PDE4D: variants seen among roughly 807,000 people sequenced by gnomAD.
The protein encoded by PDE4D is 3',5'-cyclic-AMP phosphodiesterase 4D.
Under a neutral mutation model 87.4 loss-of-function variants are expected in PDE4D, and 24 were observed. The ratio of observed to expected loss-of-function variants is 0.27; its 90% confidence interval spans 0.20 to 0.39. The LOEUF (loss-of-function observed/expected upper bound fraction) is 0.39, where lower values mean the gene tolerates loss of function less well. Among genes scored for constraint, PDE4D ranks in the 10% least tolerant of loss-of-function variants. The pLI is 1.00. For synonymous variants in PDE4D, 384 were observed against 383.2 expected (o/e 1.00, Z -0.02); for missense variants, 714 against 1,041.0 (o/e 0.69, Z 4.32).
intron 2 of PDE4D, among the ~76,000 whole-genome samples, chr5:59,200,352 C>T: frequency 1.0e-5 from 1 of 99,966 alleles, no homozygotes; most frequent in African/African-American, 4.8e-5. Context: ...TACACGTATA[C>T]ATACACGTGT....
At chr5:58,999,851 C>G (rs914827021) in intron 6 of PDE4D, 69 of 988,436 alleles carry the variant, frequency 7.0e-5, no homozygotes, top group Non-Finnish European at 8.3e-5. Context: ...CTCCCGAGCT[C>G]CAGGGCTTAA....
chr5:59,192,237 T>C (rs1439466605), intron 3 of PDE4D, among the ~76,000 whole-genome samples: 1 of 152,234 alleles, frequency 6.6e-6, no homozygotes, highest in Non-Finnish European at 1.5e-5. Flanking sequence ...ATAATACTTA[T>C]GACATTTTAG....
At chr5:60,287,449 G>C (rs1404246575) in intron 1 of PDE4D, among the ~76,000 whole-genome samples, 5 of 152,190 alleles carry the variant, frequency 3.3e-5, no homozygotes, top group Non-Finnish European at 7.3e-5. Context: ...CTGCGGGAAG[G>C]CTCTTCAAAG....
intron 6 of PDE4D, among the ~76,000 whole-genome samples, chr5:59,000,389 C>A (rs1750247033): frequency 1.3e-5 from 2 of 152,188 alleles, no homozygotes; most frequent in African/African-American, 4.8e-5. Flanking sequence ...GTAGAAATGA[C>A]TGTAGTTCTC....
intron 2 of PDE4D, among the ~76,000 whole-genome samples, chr5:59,205,875 G>T (rs1748679158): frequency 6.6e-6 from 1 of 152,116 alleles, no homozygotes; most frequent in Non-Finnish European, 1.5e-5. Context: ...GATCATTCAT[G>T]ACATTTATTG....
At chr5:59,212,669 C>T (rs1305574631) in intron 2 of PDE4D, among the ~76,000 whole-genome samples, 1 of 151,830 alleles carries the variant, frequency 6.6e-6, no homozygotes, top group Non-Finnish European at 1.5e-5. Context: ...AACAATCTAT[C>T]CCAAACTCAG....
chr5:59,779,495 C>A (rs764660027), intron 1 of PDE4D, among the ~76,000 whole-genome samples: 9 of 152,066 alleles, frequency 5.9e-5, no homozygotes, highest in Non-Finnish European at 1.3e-4. Context: ...ACTTAAATAG[C>A]ATCATGTGGC....
intron 1 of PDE4D, among the ~76,000 whole-genome samples, chr5:59,254,765 G>A (rs963400930): frequency 6.6e-6 from 1 of 152,084 alleles, no homozygotes; most frequent in African/African-American, 2.4e-5. Flanking sequence ...CAAACGTGTA[G>A]CCACCTCTTC....
At chr5:59,390,562 C>T (rs994882613) in intron 1 of PDE4D, among the ~76,000 whole-genome samples, 55 of 152,074 alleles carry the variant, frequency 3.6e-4, no homozygotes, top group Non-Finnish European at 7.4e-5. Context: ...ATCAGGGTTA[C>T]TATTTTTCAA....
intron 5 of PDE4D, among the ~76,000 whole-genome samples, chr5:59,146,276 C>A (rs1778644799): frequency 6.6e-6 from 1 of 152,122 alleles, no homozygotes; most frequent in Non-Finnish European, 1.5e-5. Flanking sequence ...TCAGATTCAA[C>A]CCTTCCTATG....
chr5:59,961,526 T>G (rs1369352432), intron 3 of PDE4D, among the ~76,000 whole-genome samples: 1 of 152,156 alleles, frequency 6.6e-6, no homozygotes. Context: ...AATAAATTTC[T>G]GCTGTTTCGA....
rs145380189 is a variant in PDE4D at position 59,935,337 on chromosome 5, A to C, written c.272+53151T>G. Among the ~76,000 whole-genome samples, 588 of 152,268 alleles carry C rather than the reference A, an allele frequency of 3.9e-3. 6 individuals carry two copies. The highest frequency in any genetic ancestry group is 0.013 in the African/African-American group (550 of 41,550). On this transcript the variant is annotated intron_variant, in intron 3 of 16. Transcript: ENST00000502484. ...GGAGACTCAAGACAGTAAAAGTCAG[A>C]AAACAAGGAGAGCTTTTTAGGAAGG...
rs915599604 is a variant in PDE4D at position 60,352,070 on chromosome 5, G to T, written c.-90+135872C>A. Among the ~76,000 whole-genome samples, 4 of 151,806 alleles carry T rather than the reference G, an allele frequency of 2.6e-5. No individual in the cohort carries two copies. In the East Asian group the frequency reaches 5.9e-4, roughly 22 times the overall value. ...ACCCTCCGCTTTGGCCTTCCAAAGT[G>T]CTGGGATTACAGGTATGAGCCACAG... On this transcript the variant is annotated intron_variant, in intron 1 of 16. Coordinates refer to the PDE4D transcript ENST00000502484.
intron 1 of PDE4D, among the ~76,000 whole-genome samples, chr5:59,688,813 C>T (rs541067988): frequency 9.2e-5 from 14 of 151,716 alleles, no homozygotes; most frequent in African/African-American, 3.1e-4. Context: ...ACAAAATTGA[C>T]GGACCACTAG....
chr5:59,725,163 G>T (rs1431446598), intron 1 of PDE4D, among the ~76,000 whole-genome samples: 2 of 151,954 alleles, frequency 1.3e-5, no homozygotes, highest in Non-Finnish European at 2.9e-5. Context: ...GTTTGCCCGG[G>T]GGGGATAAAT....
intron 1 of PDE4D, among the ~76,000 whole-genome samples, chr5:59,604,700 A>C (rs1827952827): frequency 6.6e-6 from 1 of 152,090 alleles, no homozygotes; most frequent in Non-Finnish European, 1.5e-5. Context: ...AAAATAAATC[A>C]AACTACAATG....
intron 2 of PDE4D, among the ~76,000 whole-genome samples, chr5:60,100,385 T>G (rs1641657990): frequency 6.6e-6 from 1 of 151,938 alleles, no homozygotes; most frequent in African/African-American, 2.4e-5. Flanking sequence ...TTAAGTAATA[T>G]AGCTATTTTA....
chr5:59,039,558 G>C, intron 5 of PDE4D: 1 of 976,992 alleles, frequency 1.0e-6, no homozygotes, highest in Middle Eastern at 5.2e-4. Context: ...GGCGCAGCGC[G>C]GCTCCAACGC....
intron 1 of PDE4D, among the ~76,000 whole-genome samples, chr5:60,230,066 T>C (rs2149622276): frequency 6.6e-6 from 1 of 152,176 alleles, no homozygotes; most frequent in East Asian, 1.9e-4. Flanking sequence ...AAAGGACACA[T>C]CAAAATAGGG....
Sources: gnomAD v4.1 joint callset for allele counts (sites outside exome capture counted in the v4.1 genomes callset) on GRCh38, gnomAD v4.1.1 for gene constraint, MANE v1.5 for transcripts, NCBI Gene and HGNC (gene_info 2026-07-23, HGNC 2026-07-21) for gene names.